The following TRAM2 variants were observed in gnomAD, a reference collection of about 807,000 sequenced individuals.
TRAM2 encodes the protein translocation associated membrane protein 2, also known as translocating chain-associated membrane protein 2.
In TRAM2, 12 loss-of-function variants were observed where a neutral mutation model predicts 51.0. The observed-to-expected ratio is 0.24, with a 90% CI of 0.15 to 0.38. The LOEUF is 0.38. TRAM2 is among the 10% of genes least tolerant of loss of function. The pLI is 1.00. For synonymous variants in TRAM2, 175 were observed against 179.4 expected (o/e 0.98, Z 0.20); for missense variants, 361 against 462.0 (o/e 0.78, Z 2.00).
intron 1 of TRAM2, among the ~76,000 whole-genome samples, chr6:52,573,753 C>G (rs939794306): frequency 1.3e-5 from 2 of 152,166 alleles, no homozygotes; most frequent in Non-Finnish European, 2.9e-5. Flanking sequence ...AACGGGGAAA[C>G]AGAAGCCCCC....
intron 4 of TRAM2, 120 bp from the exon 5 acceptor site, chr6:52,509,706 C>A (rs1168572680): frequency 2.4e-6 from 2 of 844,046 alleles, no homozygotes; most frequent in Non-Finnish European, 3.8e-6. Flanking sequence ...GAGGAAGGAA[C>A]AGGAAATGTG....
intron 1 of TRAM2, among the ~76,000 whole-genome samples, chr6:52,539,480 C>T (rs1275577688): frequency 6.6e-6 from 1 of 152,072 alleles, no homozygotes; most frequent in Non-Finnish European, 1.5e-5. Context: ...AACGTCAGCA[C>T]CATGAGGGCC....
At position 52,570,874 on chromosome 6, in the gene TRAM2, C is replaced by A. The variant is rs529682894; in HGVS notation, c.120+5922G>T. Among the ~76,000 whole-genome samples the A allele has an allele frequency of 2.2e-4, 32 of 146,558 alleles. No homozygotes were observed. In the South Asian group the frequency reaches 5.9e-3, roughly 27 times the overall value. ...AAGGACTTTTTGCAAGAGTTACTTG[C>A]AAAGCTCTTTAAACCACACAGTTAA... On this transcript the variant is annotated intron_variant, in intron 1 of 10. Transcript: ENST00000182527.
At chr6:52,503,441 C>T (rs538591996) in intron 10 of TRAM2, among the ~76,000 whole-genome samples, 171 bp from the exon 11 acceptor site, 11 of 152,116 alleles carry the variant, frequency 7.2e-5, no homozygotes, top group African/African-American at 2.4e-4. Context: ...AGCCAGCAGA[C>T]GGCTCCCAGG....
rs1045731447 is a variant in TRAM2, at chr6:52,505,686, G to A, written c.788C>T (p.Ala263Val). 8 of 1,613,592 alleles carry A rather than the reference G, an allele frequency of 5.0e-6. No individual in the cohort carries two copies. Among genetic ancestry groups the A allele is most frequent in the Non-Finnish European group, 6.8e-6 (8 of 1,179,702 alleles). ...GVTRLFILTL[A>V]VLAIGFGLAR... The stretch of plus-strand genomic sequence containing the variant: ...CAGTCCAAAGCCAATGGCCAGCACG[G>A]CAAGGGTGAGGATGAAGAGGCGGGT... The change falls in exon 9 of 11, where the codon GCC becomes GTC. Residue 263 changes from alanine to valine, a missense_variant. Physicochemically the swap from Ala to Val is moderately conservative, Grantham distance 64. Coordinates refer to ENST00000182527, the MANE Select transcript of TRAM2 (RefSeq NM_012288.4).
At chr6:52,574,661 G>A (rs1370325800) in intron 1 of TRAM2, among the ~76,000 whole-genome samples, 1 of 152,216 alleles carries the variant, frequency 6.6e-6, no homozygotes, top group Non-Finnish European at 1.5e-5. Context: ...CTAAGGGGGA[G>A]GAAGAGTAGT....
At chr6:52,538,068 T>A (rs1767006565) in intron 1 of TRAM2, among the ~76,000 whole-genome samples, 1 of 152,120 alleles carries the variant, frequency 6.6e-6, no homozygotes, top group South Asian at 2.1e-4. Flanking sequence ...ACACTTCATA[T>A]TGTCTGACAT....
intron 1 of TRAM2, among the ~76,000 whole-genome samples, chr6:52,557,486 A>G (rs1767430323): frequency 6.6e-6 from 1 of 152,240 alleles, no homozygotes; most frequent in African/African-American, 2.4e-5. Flanking sequence ...GGAAACGGCC[A>G]CAGTTAAGTA....
intron 2 of TRAM2, among the ~76,000 whole-genome samples, chr6:52,517,925 C>T (rs964560045): frequency 1.3e-5 from 2 of 152,124 alleles, no homozygotes; most frequent in Non-Finnish European, 2.9e-5. Flanking sequence ...GTGGCGAGGA[C>T]AGAGAGAACA....
intron 1 of TRAM2, among the ~76,000 whole-genome samples, chr6:52,552,235 G>T (rs76514456): frequency 0.081 from 12,324 of 152,272 alleles, 725 homozygotes; most frequent in Non-Finnish European, 0.12. Context: ...AAAGCCCAGG[G>T]GGCACGGATG....
chr6:52,531,277 A>G (rs1459155521), intron 2 of TRAM2, among the ~76,000 whole-genome samples: 1 of 152,218 alleles, frequency 6.6e-6, no homozygotes, highest in African/African-American at 2.4e-5. Flanking sequence ...TACAAACCAA[A>G]CATTACCATA....
intron 1 of TRAM2, among the ~76,000 whole-genome samples, chr6:52,576,042 C>A (rs559538262): frequency 1.1e-4 from 16 of 152,252 alleles, no homozygotes; most frequent in Non-Finnish European, 2.2e-4. Context: ...CTCTGCCCCC[C>A]ACTCCTACAC....
chr6:52,499,077 G>C lies in TRAM2; in HGVS notation c.*4120C>G, dbSNP rs1191515933. 11 of 152,356 alleles carry C rather than the reference G, an allele frequency of 7.2e-5. No homozygotes were observed. The highest frequency in any genetic ancestry group is 5.9e-4 in the Admixed American group (9 of 15,304). 9.4% of individuals were successfully genotyped at this position (152,356 alleles called of 1,614,324 possible). A position where few individuals can be genotyped will look rare whatever the true frequency, so the allele number is the denominator to read the frequency against. On this transcript the variant is annotated 3_prime_UTR_variant, in exon 11 of 11. Coordinates refer to ENST00000182527, the MANE Select transcript of TRAM2 (RefSeq NM_012288.4). ...TGGTCTTCAGCCTTTGCAAGGTGGA[G>C]CTAACACTCATGTGAGTAGTGGGGT...
At chr6:52,565,385 G>C (rs1034379948) in intron 1 of TRAM2, among the ~76,000 whole-genome samples, 1 of 152,134 alleles carries the variant, frequency 6.6e-6, no homozygotes, top group Admixed American at 6.5e-5. Flanking sequence ...AGACACTGGG[G>C]GCAAGGCAGG....
Position 52,511,397 on chromosome 6 carries a change from A to G in TRAM2, c.412-1811T>C, listed in dbSNP as rs938143997. On this transcript the variant is annotated intron_variant, in intron 4 of 10. Coordinates refer to ENST00000182527, the MANE Select transcript of TRAM2 (RefSeq NM_012288.4). ...AGGCGTGCACCATTGCGCCCAGCCA[A>G]GATAGTTTTTCAGTAGCACAGCTGA... Among the ~76,000 whole-genome samples, 10 of 152,194 alleles carry G rather than the reference A, an allele frequency of 6.6e-5. 1 individual carries two copies. Among genetic ancestry groups the G allele is most frequent in the Non-Finnish European group, 1.2e-4 (8 of 68,036 alleles).
At chr6:52,545,509 G>C (rs1419739386) in intron 1 of TRAM2, among the ~76,000 whole-genome samples, 1 of 152,224 alleles carries the variant, frequency 6.6e-6, no homozygotes, top group Non-Finnish European at 1.5e-5. Context: ...GAGAAGGAAA[G>C]AGGAAAGCAG....
intron 1 of TRAM2, among the ~76,000 whole-genome samples, chr6:52,562,389 A>G (rs1368031928): frequency 6.6e-6 from 1 of 152,196 alleles, no homozygotes; most frequent in African/African-American, 2.4e-5. Flanking sequence ...AATAGGAAGC[A>G]TGTCCCGAGT....
chr6:52,563,792 G>GT (rs1057418803), intron 1 of TRAM2, among the ~76,000 whole-genome samples: 1 of 145,242 alleles, frequency 6.9e-6, no homozygotes, highest in Non-Finnish European at 1.5e-5. Context: ...CCTTTTTTAT[G>GT]TTTTTTATTT....
intron 3 of TRAM2, chr6:52,516,332 C>T (rs1766548567): frequency 1.7e-6 from 1 of 599,498 alleles, no homozygotes; most frequent in Non-Finnish European, 3.0e-6. Flanking sequence ...ATGAATGTCT[C>T]TAGCCTATGT....
Sources: allele counts gnomAD v4.1 joint callset (sites outside exome capture counted in the v4.1 genomes callset), GRCh38; gene constraint gnomAD v4.1.1; transcripts MANE v1.5; gene names NCBI Gene and HGNC (gene_info 2026-07-23, HGNC 2026-07-21).